Variants in MEIS2 observed in about 807,000 individuals in gnomAD.
The protein encoded by MEIS2 is Meis homeobox 2, also known as homeobox protein Meis2.
MEIS2 carries 9 observed loss-of-function variants against 58.6 expected under a neutral mutation model. The observed-to-expected ratio is 0.15, with a 90% CI of 0.09 to 0.27. MEIS2 has a LOEUF of 0.27. MEIS2 is among the 10% of genes least tolerant of loss of function. MEIS2 has a pLI of 1.00. For missense variants in MEIS2, 427 were observed against 635.0 expected (o/e 0.67, Z 3.52); for synonymous variants, 221 against 228.4 (o/e 0.97, Z 0.29).
At chr15:37,086,590 C>T (rs2141927893) in intron 6 of MEIS2, among the ~76,000 whole-genome samples, 1 of 152,274 alleles carries the variant, frequency 6.6e-6, no homozygotes, top group South Asian at 2.1e-4. Context: ...CTTTCTCACT[C>T]TTTAAAAATG....
chr15:37,093,937 C>T, intron 5 of MEIS2: 1 of 573,328 alleles, frequency 1.7e-6, no homozygotes, highest in Non-Finnish European at 3.0e-6. Context: ...TATTATTCTC[C>T]AGAGACTTCT....
intron 8 of MEIS2, among the ~76,000 whole-genome samples, chr15:36,995,489 T>C (rs748907672): frequency 4.3e-4 from 65 of 151,828 alleles, no homozygotes; most frequent in Non-Finnish European, 8.4e-4. Flanking sequence ...GCCAGAAATT[T>C]ATTTGTTCTT....
intron 8 of MEIS2, among the ~76,000 whole-genome samples, chr15:36,984,896 C>T (rs959882004): frequency 6.6e-5 from 10 of 152,216 alleles, no homozygotes; most frequent in African/African-American, 2.4e-4. Context: ...ATAGCAGTCT[C>T]TTATAATCTT....
At chr15:37,004,832 A>G (rs1185422895) in intron 8 of MEIS2, among the ~76,000 whole-genome samples, 1 of 152,206 alleles carries the variant, frequency 6.6e-6, no homozygotes, top group African/African-American at 2.4e-5. Context: ...GTTACAATCA[A>G]GATTATGAGG....
chr15:36,910,136 G>A lies in MEIS2; in HGVS notation c.978-13450C>T, dbSNP rs115535050. ...TGGGAGGATCGCCTGAGACCAGGAG[G>A]TGGAGGCTGCAGTGAGCCGAGATGG... On this transcript the variant is annotated intron_variant, in intron 9 of 11. Coordinates refer to ENST00000561208, the MANE Select transcript of MEIS2 (RefSeq NM_170675.5). Among the ~76,000 whole-genome samples the A allele has an allele frequency of 7.9e-3, 1,198 of 152,184 alleles. 19 individuals carry two copies. Among genetic ancestry groups the A allele is most frequent in the African/African-American group, 0.028 (1,166 of 41,504 alleles).
Position 37,099,944 on chromosome 15 carries a change from T to A in MEIS2, c.-478A>T, listed in dbSNP as rs1474357963. 6.5e-6 allele frequency: 1 copy of A among 155,026 alleles called. No individual in the cohort carries two copies. Among genetic ancestry groups the A allele is most frequent in the Non-Finnish European group, 1.4e-5 (1 of 70,240 alleles). The allele number at this position is 155,026 out of a possible 1,614,324, so 9.6% of individuals were successfully genotyped here. ...TCATGGCTTTTTGCCACTCCAGCTGTCAATCAAAGCCCGGAATGTCAAGGT... is the reference window on the plus strand; with the variant it reads ...TCATGGCTTTTTGCCACTCCAGCTGACAATCAAAGCCCGGAATGTCAAGGT... On this transcript the variant is annotated 5_prime_UTR_variant, in exon 1 of 12. Transcript: ENST00000561208.
At chr15:37,036,390 C>CCTTTT (rs2062154470) in intron 8 of MEIS2, 1 of 118,178 alleles carries the variant, frequency 8.5e-6, no homozygotes, top group Non-Finnish European at 1.8e-5. Context: ...TGGCAAGGTG[C>CCTTTT]TTTTTTTTTT....
At chr15:36,992,651 C>G (rs2060337406) in intron 8 of MEIS2, among the ~76,000 whole-genome samples, 1 of 152,186 alleles carries the variant, frequency 6.6e-6, no homozygotes, top group Admixed American at 6.5e-5. Flanking sequence ...AAGATCTTAT[C>G]TTAAGATATT....
rs528917796 is a variant in MEIS2 at position 36,910,963 on chromosome 15, T to C, written c.978-14277A>G. Among the ~76,000 whole-genome samples, 33 of 149,574 alleles carry C rather than the reference T, an allele frequency of 2.2e-4. 1 individual carries two copies. In the South Asian group the frequency reaches 5.9e-3, roughly 27 times the overall value. On this transcript the variant is annotated intron_variant, in intron 9 of 11. Coordinates refer to ENST00000561208, the MANE Select transcript of MEIS2 (RefSeq NM_170675.5). The stretch of plus-strand genomic sequence containing the variant: ...GAGAGGCTGAGGCAGGAGAATGGCT[T>C]GAGCCCGGGAGGCGGAGGTTGCAGT...
At chr15:36,893,628 A>G (rs1165324787) in intron 11 of MEIS2, among the ~76,000 whole-genome samples, 1 of 152,256 alleles carries the variant, frequency 6.6e-6, no homozygotes, top group East Asian at 1.9e-4. Flanking sequence ...GAAGCATAAA[A>G]TATGTTATGT....
rs1760949024 is a variant in MEIS2 at position 36,889,325 on chromosome 15, A to C, written c.*2848T>G. On this transcript the variant is annotated 3_prime_UTR_variant, in exon 12 of 12. Transcript: ENST00000561208. ...GCTGAGTCTTTCTTAAATATACCCA[A>C]ATCGGAACTCTTTACACTAAATAGT... is the stretch of plus-strand genomic sequence containing the variant. 6.6e-6 allele frequency: 1 copy of C among 152,148 alleles called. No homozygotes were observed. Among genetic ancestry groups the C allele is most frequent in the Admixed American group, 6.5e-5 (1 of 15,272 alleles). 9.4% of individuals were successfully genotyped at this position (152,148 alleles called of 1,614,324 possible).
At chr15:36,989,685 T>C (rs1028987126) in intron 8 of MEIS2, among the ~76,000 whole-genome samples, 4 of 152,224 alleles carry the variant, frequency 2.6e-5, no homozygotes, top group Non-Finnish European at 4.4e-5. Context: ...GCAGTGATAC[T>C]GCACTTCTAT....
rs1567211077 is a variant in MEIS2 at position 37,036,937 on chromosome 15, T to C, written c.777A>G (p.Val259=). The C allele has an allele frequency of 6.2e-6, 10 of 1,612,830 alleles. No homozygotes were observed. The highest frequency in any genetic ancestry group is 7.6e-6 in the Non-Finnish European group (9 of 1,179,726). Residue 259 remains valine (V), a synonymous_variant, in exon 8 of 12, where the codon GTA becomes GTG. Coordinates refer to ENST00000561208, the MANE Select transcript of MEIS2 (RefSeq NM_170675.5). ...CATCGTCACCTGTACCAGGTGAAGC[T>C]ACACTGTTGTCTAAACCATCCCCTA... ...SEQGDGLDNS[V]ASPGTGDDDD...
chr15:36,902,638 T>A (rs2056537151), intron 9 of MEIS2, among the ~76,000 whole-genome samples: 1 of 152,240 alleles, frequency 6.6e-6, no homozygotes, highest in Admixed American at 6.5e-5. Context: ...TGAGAAGCCT[T>A]GCTCTAGATC....
At chr15:37,094,738 A>T (rs2140091406) in intron 4 of MEIS2, among the ~76,000 whole-genome samples, 161 bp from the exon 5 acceptor site, 1 of 152,114 alleles carries the variant, frequency 6.6e-6, no homozygotes, top group African/African-American at 2.4e-5. Flanking sequence ...AGTCAGAAAA[A>T]TCAAGTGATT....
Position 37,098,196 on chromosome 15 carries a change from C to T in MEIS2, c.16G>A (p.Asp6Asn). The part of the protein sequence containing the change: MAQRY[D>N]ELPHYGGMDG... ...ATCCCGCCGTAATGGGGCAGCTCAT[C>T]GTACTGTCAGAACCCGGGAAGGGGG... Residue 6 changes from aspartate to asparagine, a missense_variant, in exon 2 of 12, where the codon GAT becomes AAT. Physicochemically the swap from Asp to Asn is conservative, Grantham distance 23. Transcript: ENST00000561208. The T allele has an allele frequency of 1.9e-6, 3 of 1,595,894 alleles. No homozygotes were observed. The highest frequency in any genetic ancestry group is 2.6e-6 in the Non-Finnish European group (3 of 1,169,178).
At position 36,950,362 on chromosome 15, in the gene MEIS2, C is replaced by G; in HGVS notation, c.939G>C (p.Ala313=). 1 of 1,612,806 alleles carries G rather than the reference C, an allele frequency of 6.2e-7. No individual in the cohort carries two copies. The highest frequency in any genetic ancestry group is 8.5e-7 in the Non-Finnish European group (1 of 1,179,084). The change falls in exon 9 of 12, where the codon GCG becomes GCC. Residue 313 remains alanine (A), a synonymous_variant. Transcript: ENST00000561208. ...GGAGAATTGTAAGTCCTGTGTCTTG[C>G]GCTAACTGTTTCTTCTGCTCTTCGG... ...YPSEEQKKQL[A]QDTGLTILQV... is the part of the protein sequence containing the mutation.
At chr15:37,057,861 T>C (rs1247900646) in intron 7 of MEIS2, among the ~76,000 whole-genome samples, 3 of 152,032 alleles carry the variant, frequency 2.0e-5, no homozygotes, top group Non-Finnish European at 4.4e-5. Flanking sequence ...GCTGGTCAGG[T>C]GGCATCAGAG....
At chr15:37,032,692 T>A (rs2061978866) in intron 8 of MEIS2, among the ~76,000 whole-genome samples, 1 of 152,198 alleles carries the variant, frequency 6.6e-6, no homozygotes, top group Non-Finnish European at 1.5e-5. Context: ...ATACAGAAAG[T>A]TTTTGCTAGT....
Sources: gnomAD v4.1 joint callset for allele counts (sites outside exome capture counted in the v4.1 genomes callset) on GRCh38, gnomAD v4.1.1 for gene constraint, MANE v1.5 for transcripts, NCBI Gene and HGNC (gene_info 2026-07-23, HGNC 2026-07-21) for gene names.